The following UQCRFS1 variants were observed in gnomAD, a reference collection of about 807,000 sequenced individuals.
UQCRFS1 encodes the protein ubiquinol-cytochrome c reductase, Rieske iron-sulfur polypeptide 1.
UQCRFS1 carries 6 observed loss-of-function variants against 15.6 expected under a neutral mutation model. The ratio of observed to expected loss-of-function variants is 0.38; its 90% CI spans 0.21 to 0.76. UQCRFS1 has a LOEUF of 0.76. UQCRFS1 is among the 30% of genes least tolerant of loss of function. UQCRFS1 has a pLI of 0.44. For synonymous variants in UQCRFS1, 105 were observed against 154.3 expected, an observed-to-expected ratio of 0.68 and a Z score of 2.37; for missense variants, 203 against 366.7, an observed-to-expected ratio of 0.55 and a Z score of 3.65.
intron 1 of UQCRFS1, among the ~76,000 whole-genome samples, chr19:29,212,538 A>G (rs1468443236): frequency 1.3e-5 from 2 of 152,118 alleles, no homozygotes; most frequent in Non-Finnish European, 2.9e-5. Context: ...TCCTCCACCT[A>G]AGCCTCACGA....
At chr19:29,209,535 C>T (rs1254185853) in intron 1 of UQCRFS1, among the ~76,000 whole-genome samples, 11 of 152,130 alleles carry the variant, frequency 7.2e-5, no homozygotes, top group Non-Finnish European at 1.5e-4. Flanking sequence ...ACTCTATGTG[C>T]TTTTCTGACT....
chr19:29,212,968 T>C lies in UQCRFS1; in HGVS notation c.151A>G (p.Ser51Gly). The change falls in exon 1 of 2, where the codon AGC (serine) becomes GGC (glycine). Residue 51 changes from serine to glycine, a missense_variant. Coordinates refer to ENST00000304863, the MANE Select transcript of UQCRFS1 (RefSeq NM_006003.3). ...GCCTGGCCGCTCAGCGACTCCCGGC[T>C]GAGGAAGGGCCGCTTCAGGTCCAAC... ...PVLDLKRPFL[S>G]RESLSGQAVR... 7.1e-7 allele frequency: 1 copy of C among 1,400,668 alleles called. No individual in the cohort carries two copies. The highest frequency in any genetic ancestry group is 1.5e-5 in the African/African-American group (1 of 65,450). 86.8% of individuals were successfully genotyped at this position (1,400,668 alleles called of 1,614,324 possible).
intron 1 of UQCRFS1, among the ~76,000 whole-genome samples, chr19:29,212,636 C>G (rs73526485): frequency 0.014 from 2,152 of 152,302 alleles, 58 homozygotes; most frequent in African/African-American, 0.048. Context: ...CTGCAAGCAA[C>G]AAAACCCCTC....
chr19:29,212,868 A>G, intron 1 of UQCRFS1, 37 bp downstream of exon 1: 1 of 1,383,072 alleles, frequency 7.2e-7, no homozygotes, highest in African/African-American at 1.5e-5. Flanking sequence ...GCACCGAGAG[A>G]CCCCCAGCCC....
Position 29,213,006 on chromosome 19 carries a change from G to A in UQCRFS1, c.113C>T (p.Pro38Leu), listed in dbSNP as rs1404360904. 4.3e-6 allele frequency: 6 copies of A among 1,410,612 alleles called. No homozygotes were observed. The highest frequency in any genetic ancestry group is 1.5e-5 in the African/African-American group (1 of 65,538). 87.4% of individuals were successfully genotyped at this position (1,410,612 alleles called of 1,614,324 possible). A position where few individuals can be genotyped will look rare whatever the true frequency, so the allele number is the denominator to read the frequency against. Residue 38 changes from proline (P) to leucine (L), a missense_variant, in exon 1 of 2, where the codon CCG becomes CTG. Pro to Leu is a moderately conservative substitution (Grantham distance 98). Transcript: ENST00000304863. ...CTTCAGGTCCAACACAGGCTGCTCC[G>A]GGGTGGCGGGCACCGTGGCCTGCAC... ...PLVQATVPAT[P>L]EQPVLDLKRP...
At chr19:29,209,264 T>A (rs1288589468) in intron 1 of UQCRFS1, among the ~76,000 whole-genome samples, 1 of 152,208 alleles carries the variant, frequency 6.6e-6, no homozygotes, top group African/African-American at 2.4e-5. Context: ...CCACAAAGTT[T>A]CCTTTTTAAA....
At chr19:29,211,077 T>C (rs894413157) in intron 1 of UQCRFS1, among the ~76,000 whole-genome samples, 5 of 152,142 alleles carry the variant, frequency 3.3e-5, no homozygotes, top group African/African-American at 9.7e-5. Context: ...TGGTATCTCA[T>C]TGTGGTTTAC....
chr19:29,207,372 T>C lies in UQCRFS1; in HGVS notation c.*176A>G. The C allele has an allele frequency of 1.2e-6, 1 of 827,646 alleles. No individual in the cohort carries two copies. Among genetic ancestry groups the C allele is most frequent in the Non-Finnish European group, 1.8e-6 (1 of 543,102 alleles). The allele number at this position is 827,646 out of a possible 1,614,324, so 51.3% of individuals were successfully genotyped here. On this transcript the variant is annotated 3_prime_UTR_variant, in exon 2 of 2. Transcript: ENST00000304863. ...AGTGCTTAACAGTGTCTTTATTAAGTGAATGCCTGAAAGTATTCAACATTA... is the reference window on the plus strand; with the variant it reads ...AGTGCTTAACAGTGTCTTTATTAAGCGAATGCCTGAAAGTATTCAACATTA...
chr19:29,209,646 C>T (rs1976624689), intron 1 of UQCRFS1, among the ~76,000 whole-genome samples: 1 of 152,134 alleles, frequency 6.6e-6, no homozygotes, highest in African/African-American at 2.4e-5. Flanking sequence ...TATACTACTA[C>T]TCTAACAAAT....
Position 29,205,892 on chromosome 19 carries a change from G to A in UQCRFS1, c.*1656C>T, listed in dbSNP as rs1976588682. The A allele has an allele frequency of 6.6e-6, 1 of 152,122 alleles. No individual in the cohort carries two copies. The highest frequency in any genetic ancestry group is 2.4e-5 in the African/African-American group (1 of 41,424). 9.4% of individuals were successfully genotyped at this position (152,122 alleles called of 1,614,324 possible). ...CTAAATATGAAAGATGAAGTAAGCA[G>A]CCACCAAATATAGCAATTCCGGCAC... On this transcript the variant is annotated 3_prime_UTR_variant, in exon 2 of 2. Coordinates refer to ENST00000304863, the MANE Select transcript of UQCRFS1 (RefSeq NM_006003.3).
chr19:29,211,227 A>G (rs1976642897), intron 1 of UQCRFS1, among the ~76,000 whole-genome samples: 1 of 152,066 alleles, frequency 6.6e-6, no homozygotes, highest in Admixed American at 6.6e-5. Context: ...AAGGACATGA[A>G]CAGACACTTC....
chr19:29,210,015 TCTGA>T (rs2145206767), intron 1 of UQCRFS1, among the ~76,000 whole-genome samples: 1 of 152,240 alleles, frequency 6.6e-6, no homozygotes, highest in African/African-American at 2.4e-5. Flanking sequence ...CTGCATTAGG[TCTGA>T]CTTTCAGTAA....
Position 29,205,679 on chromosome 19 carries a change from G to C in UQCRFS1, c.*1869C>G, listed in dbSNP as rs1310140305. 7 of 152,206 alleles carry C rather than the reference G, an allele frequency of 4.6e-5. No individual in the cohort carries two copies. Among genetic ancestry groups the C allele is most frequent in the Non-Finnish European group, 1.0e-4 (7 of 68,038 alleles). The allele number at this position is 152,206 out of a possible 1,614,324, so 9.4% of individuals were successfully genotyped here. On this transcript the variant is annotated 3_prime_UTR_variant, in exon 2 of 2. Coordinates refer to ENST00000304863, the MANE Select transcript of UQCRFS1 (RefSeq NM_006003.3). ...GGTGCTAGCTGGTCAGGTTTATTCTGTAAGTAATTTTCTCCTACTATCTAG... is the reference window on the plus strand; with the variant it reads ...GGTGCTAGCTGGTCAGGTTTATTCTCTAAGTAATTTTCTCCTACTATCTAG...
intron 1 of UQCRFS1, among the ~76,000 whole-genome samples, chr19:29,209,086 G>C (rs1296286532): frequency 6.6e-6 from 1 of 152,100 alleles, no homozygotes; most frequent in Non-Finnish European, 1.5e-5. Flanking sequence ...TTGGGAGCAA[G>C]GAGTTTCTTT....
intron 1 of UQCRFS1, 21 bp downstream of exon 1, chr19:29,212,884 G>A: frequency 7.0e-7 from 1 of 1,423,520 alleles, no homozygotes; most frequent in South Asian, 1.5e-5. Flanking sequence ...AGCCCTGCTC[G>A]CGGCCCTCGC....
rs186975344 is a variant in UQCRFS1, at chr19:29,210,298, G to A, written c.215-2140C>T. Reference sequence around the variant, plus strand: ...TGAAATGATTACAGAAAAGGTTTTTGCCTTATGGTTCTACATTATTTGCCT... The same window carrying A: ...TGAAATGATTACAGAAAAGGTTTTTACCTTATGGTTCTACATTATTTGCCT... On this transcript the variant is annotated intron_variant, in intron 1 of 1. Transcript: ENST00000304863. 4.9e-3 allele frequency among the ~76,000 whole-genome samples: 741 copies of A among 152,150 alleles called. 5 individuals carry two copies. Among genetic ancestry groups the A allele is most frequent in the Non-Finnish European group, 5.6e-3 (383 of 67,974 alleles).
chr19:29,207,395 T>A lies in UQCRFS1; in HGVS notation c.*153A>T, dbSNP rs1215784051. On this transcript the variant is annotated 3_prime_UTR_variant, in exon 2 of 2. Coordinates refer to ENST00000304863, the MANE Select transcript of UQCRFS1 (RefSeq NM_006003.3). The stretch of plus-strand genomic sequence containing the variant: ...AGTGAATGCCTGAAAGTATTCAACA[T>A]TAAATTCAATTTATTTCACATTAAT... 2 of 1,010,630 alleles carry A rather than the reference T, an allele frequency of 2.0e-6. No homozygotes were observed. The highest frequency in any genetic ancestry group is 2.8e-6 in the Non-Finnish European group (2 of 704,702). The allele number at this position is 1,010,630 out of a possible 1,614,324, so 62.6% of individuals were successfully genotyped here.
In UQCRFS1 at chr19:29,208,095, C is replaced by G. The variant is rs148167893; in HGVS notation, c.278G>C (p.Arg93Pro). 2.5e-6 allele frequency: 4 copies of G among 1,614,062 alleles called. No homozygotes were observed. The highest frequency in any genetic ancestry group is 1.7e-5 in the Admixed American group (1 of 60,006). ...CTTCGTACTATCTAAAACTTCAAGG[C>G]GGCGGTATTCAGAGAAGTCAGGCAC... ...IKVPDFSEYR[R>P]LEVLDSTKSS... Residue 93 changes from arginine (R) to proline (P), a missense_variant, in exon 2 of 2, where the codon CGC (arginine) becomes CCC (proline). Transcript: ENST00000304863.
rs1050531227 is a variant in UQCRFS1, at chr19:29,207,901, C to T, written c.472G>A (p.Asp158Asn). ...ALAKIEIKLS[D>N]IPEGKNMAFK... ...GCCATGTTCTTGCCTTCTGGAATAT[C>T]GGATAACTTGATTTCGATTTTCGCC... Residue 158 changes from aspartate (D) to asparagine (N), a missense_variant, in exon 2 of 2, where the codon GAT (aspartate) becomes AAT (asparagine). By Grantham distance (23) the Asp-to-Asn change is conservative. Transcript: ENST00000304863. 4.3e-6 allele frequency: 7 copies of T among 1,613,876 alleles called. No homozygotes were observed. The African/African-American group carries it at 5.3e-5, about 12-fold the overall frequency.
Sources: allele counts gnomAD v4.1 joint callset (sites outside exome capture counted in the v4.1 genomes callset), GRCh38; gene constraint gnomAD v4.1.1; transcripts MANE v1.5; gene names NCBI Gene and HGNC (gene_info 2026-07-23, HGNC 2026-07-21).